The following WDR20 variants were observed in gnomAD, a reference collection of about 807,000 sequenced individuals.
WDR20 encodes WD repeat domain 20.
WDR20 carries 3 observed loss-of-function variants against 38.7 expected under a neutral mutation model. The observed-to-expected ratio is 0.08, with a 90% CI of 0.04 to 0.20. The LOEUF (loss-of-function observed/expected upper bound fraction) is 0.20. Ranked by LOEUF, WDR20 falls within the 10% of genes least tolerant of loss-of-function variation. WDR20 has a pLI of 1.00. For missense variants in WDR20, 559 were observed against 727.7 expected (o/e 0.77, Z 2.67); for synonymous variants, 298 against 285.6 (o/e 1.04, Z -0.44).
At chr14:102,139,561 G>T, upstream of WDR20, 1 of 795,846 alleles carries the variant, frequency 1.3e-6, no homozygotes, top group Non-Finnish European at 1.9e-6. Context: ...CATGACACCA[G>T]CCCCGCCGCG....
At chr14:102,193,382 C>T (rs1414241348) in intron 1 of WDR20, 2 of 1,447,800 alleles carry the variant, frequency 1.4e-6, no homozygotes, top group African/African-American at 2.8e-5. Context: ...CCAGTCAGGA[C>T]TCCCTTTTGT....
At chr14:102,191,254 C>T (rs1294105186) in intron 1 of WDR20, 1 of 152,154 alleles carries the variant, frequency 6.6e-6, no homozygotes, top group Non-Finnish European at 1.5e-5. Flanking sequence ...CTTGCCTGGT[C>T]TGGGCTCTTT....
intron 2 of WDR20, among the ~76,000 whole-genome samples, chr14:102,204,513 G>T (rs1026564589): frequency 3.3e-5 from 5 of 152,122 alleles, no homozygotes; most frequent in African/African-American, 1.2e-4. Flanking sequence ...AGGGAAAGAT[G>T]CCTGTTTTAA....
chr14:102,140,807 G>C (rs778502836), intron 1 of WDR20, among the ~76,000 whole-genome samples: 6 of 152,346 alleles, frequency 3.9e-5, no homozygotes, highest in Middle Eastern at 3.4e-3. Flanking sequence ...CCTTCTGAAA[G>C]ATTGTTAAGG....
At chr14:102,192,998 TAA>T (rs57269658) in intron 1 of WDR20, among the ~76,000 whole-genome samples, 12 of 140,828 alleles carry the variant, frequency 8.5e-5, no homozygotes, top group South Asian at 2.2e-4. Flanking sequence ...TTAAGCAAAC[TAA>T]AAAAAAAAAA....
Position 102,208,345 on chromosome 14 carries a change from G to A in WDR20, c.433-258G>A, listed in dbSNP as rs1432007698. 6.6e-6 allele frequency among the ~76,000 whole-genome samples: 1 copy of A among 152,178 alleles called. No homozygotes were observed. The highest frequency in any genetic ancestry group is 1.5e-5 in the Non-Finnish European group (1 of 68,032). On this transcript the variant is annotated intron_variant, in intron 2 of 2. Transcript: ENST00000342702. This position sits in a 1 kb window ranked among gnomAD's most constrained non-coding sequence, Gnocchi z 5.6. The stretch of plus-strand genomic sequence containing the variant: ...CTGGCATCGTGTCTGGCACTTAGTG[G>A]CCCCTCTGCAAATATCTGTTGGCTG...
chr14:102,218,940 G>C (rs779703914), downstream of WDR20, among the ~76,000 whole-genome samples: 1 of 152,222 alleles, frequency 6.6e-6, no homozygotes, highest in Non-Finnish European at 1.5e-5. Context: ...TCCGTCGGCC[G>C]GGCCGGGCCT....
rs2061867866 is a variant in WDR20 at position 102,207,992 on chromosome 14, G to A, written c.433-611G>A. Among the ~76,000 whole-genome samples, 1 of 152,210 alleles carries A rather than the reference G, an allele frequency of 6.6e-6. No individual in the cohort carries two copies. Among genetic ancestry groups the A allele is most frequent in the Admixed American group, 6.5e-5 (1 of 15,282 alleles). Reference sequence around the variant, plus strand: ...TGGAGATGCACGTGGGGCGGTGCATGGGAGTGAGGCGGCCTCAGTGGGCCC... The same window carrying A: ...TGGAGATGCACGTGGGGCGGTGCATAGGAGTGAGGCGGCCTCAGTGGGCCC... On this transcript the variant is annotated intron_variant, in intron 2 of 2. Coordinates refer to ENST00000342702, the MANE Select transcript of WDR20 (RefSeq NM_144574.4). This position sits in a 1 kb window ranked among gnomAD's most constrained non-coding sequence, Gnocchi z 5.0.
At position 102,168,431 on chromosome 14, in the gene WDR20, T is replaced by TG. The variant is rs2060181757; in HGVS notation, c.250-26506dup. On this transcript the variant is annotated intron_variant, in intron 1 of 2. Coordinates refer to ENST00000342702, the MANE Select transcript of WDR20 (RefSeq NM_144574.4). Reference sequence around the variant, plus strand: ...TTACCTGTCAGTCTTTTTTTTTTGGTGTTCAGTTATATATTTTAAGCATAA... The same window carrying TG: ...TTACCTGTCAGTCTTTTTTTTTTGGTGGTTCAGTTATATATTTTAAGCATAA... 3.9e-5 allele frequency among the ~76,000 whole-genome samples: 6 copies of TG among 152,046 alleles called. No homozygotes were observed. The South Asian group carries it at 1.2e-3, about 32-fold the overall frequency.
chr14:102,215,329 C>T (rs1040899940), downstream of WDR20, among the ~76,000 whole-genome samples: 3 of 152,296 alleles, frequency 2.0e-5, no homozygotes, highest in African/African-American at 4.8e-5. Flanking sequence ...ATTCTGAAGT[C>T]GTCCTGGGCC....
chr14:102,200,058 A>G (rs1383254628), intron 2 of WDR20, among the ~76,000 whole-genome samples: 4 of 152,234 alleles, frequency 2.6e-5, no homozygotes, highest in African/African-American at 9.6e-5. Context: ...CAGCCCAGTG[A>G]GCATGGGCAG....
chr14:102,161,460 C>G (rs1030633419), intron 1 of WDR20, among the ~76,000 whole-genome samples: 5 of 151,626 alleles, frequency 3.3e-5, no homozygotes, highest in African/African-American at 9.7e-5. Flanking sequence ...ACTACAGGCT[C>G]GAGCCACTGT....
intron 1 of WDR20, among the ~76,000 whole-genome samples, chr14:102,148,347 C>A (rs559311970): frequency 3.3e-5 from 5 of 151,962 alleles, no homozygotes; most frequent in Non-Finnish European, 7.4e-5. Flanking sequence ...GAGTTTGAGA[C>A]CAGCCAGGGC....
intron 1 of WDR20, among the ~76,000 whole-genome samples, chr14:102,158,879 T>G (rs1209654826): frequency 6.6e-6 from 1 of 152,112 alleles, no homozygotes; most frequent in South Asian, 2.1e-4. Context: ...CCTACAAACG[T>G]GTCGCTGTTT....
chr14:102,191,904 T>G (rs2066543516), intron 1 of WDR20, among the ~76,000 whole-genome samples: 1 of 152,204 alleles, frequency 6.6e-6, no homozygotes, highest in Non-Finnish European at 1.5e-5. Context: ...TTGATACTTT[T>G]GTAAAATAAA....
At chr14:102,205,605 G>T (rs1438320463) in intron 2 of WDR20, among the ~76,000 whole-genome samples, 2 of 152,118 alleles carry the variant, frequency 1.3e-5, no homozygotes, top group African/African-American at 2.4e-5. Context: ...CACTCTGATT[G>T]GAAGTGAGGG....
At chr14:102,203,182 T>A (rs1291602084) in intron 2 of WDR20, among the ~76,000 whole-genome samples, 1 of 152,342 alleles carries the variant, frequency 6.6e-6, no homozygotes, top group African/African-American at 2.4e-5. Flanking sequence ...GCCTCCACTG[T>A]CTGCAGCAGC....
In WDR20 at chr14:102,210,364, CTA is replaced by C. The variant is rs1345548883; in HGVS notation, c.*486_*487del. ...TCTTAATCATAAAATGTTTAGGAAT[CTA>C]TGAAATTTAACTTTAGGAACAAAAC... On this transcript the variant is annotated 3_prime_UTR_variant, in exon 3 of 3. Transcript: ENST00000342702. 39 of 985,506 alleles carry C rather than the reference CTA, an allele frequency of 4.0e-5. No homozygotes were observed. Among genetic ancestry groups the C allele is most frequent in the Non-Finnish European group, 4.6e-5 (38 of 829,992 alleles). The allele number at this position is 985,506 out of a possible 1,614,324, so 61.0% of individuals were successfully genotyped here.
At chr14:102,183,304 T>C (rs1179020986) in intron 1 of WDR20, among the ~76,000 whole-genome samples, 1 of 152,210 alleles carries the variant, frequency 6.6e-6, no homozygotes, top group African/African-American at 2.4e-5. Context: ...TCACGCCTGG[T>C]TGGATCAGAG....
Sources: gnomAD v4.1 joint callset for allele counts (sites outside exome capture counted in the v4.1 genomes callset) on GRCh38, gnomAD v4.1.1 for gene constraint, Gnocchi (gnomAD v3.1) non-coding constraint, MANE v1.5 for transcripts, NCBI Gene and HGNC (gene_info 2026-07-23, HGNC 2026-07-21) for gene names.